The following CALCR variants were observed in gnomAD, a reference collection of about 807,000 sequenced individuals.
The protein encoded by CALCR is calcitonin receptor.
Under a neutral mutation model 59.5 loss-of-function variants are expected in CALCR, and 47 were observed. The ratio of observed to expected loss-of-function variants is 0.79; its 90% confidence interval spans 0.63 to 1.01. CALCR has a LOEUF of 1.01. CALCR is among the 50% of genes least tolerant of loss of function. The pLI is 0.00. For missense variants in CALCR, 566 were observed against 597.1 expected (o/e 0.95, Z 0.54); for synonymous variants, 213 against 211.3 (o/e 1.01, Z -0.07).
intron 2 of CALCR, among the ~76,000 whole-genome samples, chr7:93,507,662 C>G (rs1426582872): frequency 2.0e-5 from 3 of 150,172 alleles, no homozygotes; most frequent in Admixed American, 1.3e-4. Flanking sequence ...AATCCCAACA[C>G]TTTGGGAGGC....
intron 2 of CALCR, among the ~76,000 whole-genome samples, chr7:93,559,015 A>G (rs1789677015): frequency 6.6e-6 from 1 of 152,134 alleles, no homozygotes; most frequent in African/African-American, 2.4e-5. Flanking sequence ...CAGCAAGGAG[A>G]GCAGTGTGTT....
chr7:93,452,183 C>T (rs1343747222), intron 8 of CALCR, among the ~76,000 whole-genome samples: 2 of 151,976 alleles, frequency 1.3e-5, no homozygotes, highest in African/African-American at 4.8e-5. Context: ...CCAGGTGATG[C>T]TGATGCAGAC....
chr7:93,520,689 C>A (rs945937155), intron 2 of CALCR, among the ~76,000 whole-genome samples: 7 of 152,068 alleles, frequency 4.6e-5, no homozygotes, highest in Non-Finnish European at 1.0e-4. Flanking sequence ...CTAACTATAG[C>A]TACAAATATT....
At chr7:93,464,143 C>A (rs143751718) in intron 7 of CALCR, among the ~76,000 whole-genome samples, 24 of 151,938 alleles carry the variant, frequency 1.6e-4, no homozygotes, top group African/African-American at 5.3e-4. Flanking sequence ...GTTATTAGTA[C>A]CCTACGTGTG....
At chr7:93,475,670 T>C (rs1800652226) in intron 5 of CALCR, among the ~76,000 whole-genome samples, 1 of 151,796 alleles carries the variant, frequency 6.6e-6, no homozygotes, top group Admixed American at 6.6e-5. Context: ...AACAAGGCCA[T>C]AGCAAATGGT....
At chr7:93,492,000 C>T (rs745554737) in intron 2 of CALCR, among the ~76,000 whole-genome samples, 1 of 151,808 alleles carries the variant, frequency 6.6e-6, no homozygotes, top group East Asian at 1.9e-4. Context: ...TGGAACCAAC[C>T]CAAATGCCCA....
chr7:93,550,640 C>CACAT (rs546932316), intron 2 of CALCR, among the ~76,000 whole-genome samples: 2,423 of 146,754 alleles, frequency 0.017, 50 homozygotes, highest in Middle Eastern at 0.08. Context: ...CACACACACA[C>CACAT]GAGAGACAGA....
intron 2 of CALCR, among the ~76,000 whole-genome samples, chr7:93,516,396 G>A (rs1052178841): frequency 6.6e-6 from 1 of 151,874 alleles, no homozygotes; most frequent in African/African-American, 2.4e-5. Context: ...AATCATATGT[G>A]GATAAAGATT....
chr7:93,572,041 T>C (rs1317071413), intron 2 of CALCR, among the ~76,000 whole-genome samples: 2 of 152,144 alleles, frequency 1.3e-5, no homozygotes, highest in Non-Finnish European at 2.9e-5. Context: ...TGGAGTTCAT[T>C]TACTAAAACA....
chr7:93,487,147 C>T (rs1584576260), intron 2 of CALCR, 140 bp from the exon 3 acceptor site: 1 of 566,436 alleles, frequency 1.8e-6, no homozygotes, highest in East Asian at 3.1e-5. Context: ...TAAGAAAAAA[C>T]AGTATGCTTG....
At chr7:93,435,625 T>C (rs1799755550) in intron 12 of CALCR, among the ~76,000 whole-genome samples, 1 of 151,728 alleles carries the variant, frequency 6.6e-6, no homozygotes, top group Non-Finnish European at 1.5e-5. Flanking sequence ...CTGGCCAACA[T>C]GGTGAAACCC....
In CALCR at chr7:93,468,726, G is replaced by A. The variant is rs200267145; in HGVS notation, c.510C>T (p.Phe170=). 32 of 1,608,846 alleles carry A rather than the reference G, an allele frequency of 2.0e-5. No individual in the cohort carries two copies. Among genetic ancestry groups the A allele is most frequent in the Admixed American group, 3.4e-5 (2 of 59,654 alleles). Residue 170 remains phenylalanine, a synonymous_variant, in exon 7 of 14, where the codon TTC becomes TTT. Transcript: ENST00000426151. ...IFTLVISLGI[F]VFFRSLGCQR... ...GTGAGTGTACTTACCTGAAAAACAC[G>A]AAAATCCCCAGGGAAATCACTAGGG...
chr7:93,443,669 G>A lies in CALCR; in HGVS notation c.737C>T (p.Thr246Ile). 6.2e-7 allele frequency: 1 copy of A among 1,613,094 alleles called. No individual in the cohort carries two copies. The highest frequency in any genetic ancestry group is 8.5e-7 in the Non-Finnish European group (1 of 1,179,162). ...WMLCEGIYLH[T>I]LIVVAVFTEK... is the part of the protein sequence containing the mutation. ...AGTAAACACAGCCACGACAATGAGTGTATGAAGATAGATCCCTTCACAGAG... is the reference window on the plus strand; with the variant it reads ...AGTAAACACAGCCACGACAATGAGTATATGAAGATAGATCCCTTCACAGAG... Residue 246 changes from threonine to isoleucine, a missense_variant, in exon 9 of 14, where the codon ACA becomes ATA. Thr to Ile is a moderately conservative substitution (Grantham distance 89). Transcript: ENST00000426151.
chr7:93,572,578 T>G lies in CALCR; in HGVS notation c.-27+1711A>C, dbSNP rs190613016. Among the ~76,000 whole-genome samples, 19 of 152,240 alleles carry G rather than the reference T, an allele frequency of 1.2e-4. No individual in the cohort carries two copies. The East Asian group carries it at 3.7e-3, about 29-fold the overall frequency. On this transcript the variant is annotated intron_variant, in intron 2 of 13. Transcript: ENST00000426151. ...CTAGGACTCTAATAAAAACCAACAG[T>G]AGATAATATTTCCATTCATGTTAAC...
chr7:93,552,061 C>G (rs1789473952), intron 2 of CALCR, among the ~76,000 whole-genome samples: 1 of 152,120 alleles, frequency 6.6e-6, no homozygotes, highest in Non-Finnish European at 1.5e-5. Context: ...AAGATACACA[C>G]TAAAACTCAG....
intron 7 of CALCR, among the ~76,000 whole-genome samples, chr7:93,466,393 T>C (rs1269501615): frequency 4.5e-4 from 68 of 151,898 alleles, no homozygotes; most frequent in Admixed American, 4.5e-3. Context: ...AATTCAAATA[T>C]AAAAAACATT....
intron 2 of CALCR, among the ~76,000 whole-genome samples, chr7:93,509,362 A>T (rs1801496831): frequency 6.6e-6 from 1 of 152,182 alleles, no homozygotes; most frequent in Admixed American, 6.5e-5. Flanking sequence ...TCTGGAAAGG[A>T]AAAGATCCTA....
intron 2 of CALCR, among the ~76,000 whole-genome samples, chr7:93,565,283 G>A (rs1789839947): frequency 6.6e-6 from 1 of 151,966 alleles, no homozygotes; most frequent in Non-Finnish European, 1.5e-5. Context: ...TAATACTAAG[G>A]GTAAAATATT....
intron 2 of CALCR, among the ~76,000 whole-genome samples, chr7:93,497,395 C>T (rs760016713): frequency 6.6e-6 from 1 of 151,462 alleles, no homozygotes; most frequent in Non-Finnish European, 1.5e-5. Flanking sequence ...GTTTTCAGTA[C>T]CATGCTAGAT....
Sources: allele counts gnomAD v4.1 joint callset (sites outside exome capture counted in the v4.1 genomes callset), GRCh38; gene constraint gnomAD v4.1.1; transcripts MANE v1.5; gene names NCBI Gene and HGNC (gene_info 2026-07-23, HGNC 2026-07-21).